Variants in DCC observed in about 807,000 individuals in gnomAD.
DCC encodes the protein DCC netrin 1 receptor, also known as netrin receptor DCC.
A neutral mutation model predicts 172.5 loss-of-function variants in DCC; 58 were observed. The observed-to-expected ratio is 0.34, with a 90% CI of 0.27 to 0.42. The LOEUF (loss-of-function observed/expected upper bound fraction) is 0.42, where lower values mean the gene tolerates loss of function less well. Among genes scored for constraint, DCC ranks in the 10% least tolerant of loss-of-function variants. The pLI is 1.00. For missense variants in DCC, 1,740 were observed against 1,791.0 expected, an observed-to-expected ratio of 0.97 and a Z score of 0.51; for synonymous variants, 709 against 644.5, an observed-to-expected ratio of 1.10 and a Z score of -1.52.
intron 5 of DCC, among the ~76,000 whole-genome samples, chr18:52,963,338 C>G (rs147886669): frequency 0.011 from 1,708 of 151,332 alleles, 16 homozygotes; most frequent in Middle Eastern, 0.031. Flanking sequence ...AAAATGTTTT[C>G]TAGGAGAATG....
chr18:52,759,001 A>G (rs1007899126), intron 2 of DCC: 1 of 152,186 alleles, frequency 6.6e-6, no homozygotes, highest in African/African-American at 2.4e-5. Flanking sequence ...TTAATGACTT[A>G]ATGATCTTCA....
intron 5 of DCC, among the ~76,000 whole-genome samples, chr18:53,039,318 A>G (rs921208112): frequency 6.6e-6 from 1 of 152,058 alleles, no homozygotes; most frequent in Admixed American, 6.6e-5. Context: ...TTAATTTTCC[A>G]TGCAAATGAA....
At chr18:53,100,527 A>G (rs2043157071) in intron 7 of DCC, among the ~76,000 whole-genome samples, 1 of 152,004 alleles carries the variant, frequency 6.6e-6, no homozygotes, top group Admixed American at 6.6e-5. Flanking sequence ...CAATAGGTAC[A>G]AGGGAGGGAG....
At chr18:53,389,574 G>A (rs1908410277) in intron 16 of DCC, among the ~76,000 whole-genome samples, 1 of 152,058 alleles carries the variant, frequency 6.6e-6, no homozygotes. Flanking sequence ...CATTGTACTA[G>A]CACAGCTCTG....
chr18:53,417,757 C>T (rs1910403503), intron 21 of DCC, among the ~76,000 whole-genome samples: 1 of 152,120 alleles, frequency 6.6e-6, no homozygotes, highest in Non-Finnish European at 1.5e-5. Flanking sequence ...CCAGGCTTCT[C>T]AATAAATGGC....
intron 5 of DCC, among the ~76,000 whole-genome samples, chr18:52,989,828 A>G (rs778577680): frequency 1.3e-5 from 2 of 152,112 alleles, no homozygotes; most frequent in South Asian, 2.1e-4. Flanking sequence ...GCAGAAAGCA[A>G]TTTCAATCTA....
At chr18:53,186,796 C>G (rs1350665193) in intron 9 of DCC, among the ~76,000 whole-genome samples, 1 of 152,148 alleles carries the variant, frequency 6.6e-6, no homozygotes, top group Non-Finnish European at 1.5e-5. Context: ...GTTCTGGAGA[C>G]TGAGAAGTCT....
chr18:52,478,993 C>T (rs1454735), intron 1 of DCC, among the ~76,000 whole-genome samples: 5,007 of 152,214 alleles, frequency 0.033, 286 homozygotes, highest in African/African-American at 0.11. Context: ...GGGAATGAAA[C>T]TTGTTGCTTC....
chr18:52,761,955 A>G (rs998549761), intron 2 of DCC, among the ~76,000 whole-genome samples: 1 of 151,768 alleles, frequency 6.6e-6, no homozygotes, highest in African/African-American at 2.4e-5. Flanking sequence ...GAAAAAAAAG[A>G]ATTTCCACAG....
intron 15 of DCC, among the ~76,000 whole-genome samples, chr18:53,352,905 C>T (rs556064154): frequency 6.6e-6 from 1 of 152,148 alleles, no homozygotes; most frequent in South Asian, 2.1e-4. Flanking sequence ...TTAGCTATAA[C>T]TGTTTTGCTT....
chr18:53,088,629 G>GT (rs1447598217), intron 7 of DCC, among the ~76,000 whole-genome samples: 5 of 152,112 alleles, frequency 3.3e-5, no homozygotes, highest in Non-Finnish European at 7.4e-5. Flanking sequence ...TCCAGTAGCT[G>GT]TTTTTTTGAA....
intron 3 of DCC, among the ~76,000 whole-genome samples, chr18:52,919,628 G>A (rs1020883291): frequency 2.5e-5 from 3 of 120,014 alleles, no homozygotes; most frequent in African/African-American, 8.3e-5. Context: ...TGGAAAAGTC[G>A]ATGGTTCTTT....
intron 1 of DCC, among the ~76,000 whole-genome samples, chr18:52,739,726 A>G (rs1025282855): frequency 1.3e-5 from 2 of 152,242 alleles, no homozygotes; most frequent in Non-Finnish European, 2.9e-5. Flanking sequence ...GTCAGAGGCC[A>G]TGTGAATGCC....
chr18:53,334,849 T>G (rs1414495674), intron 14 of DCC, among the ~76,000 whole-genome samples: 1 of 152,206 alleles, frequency 6.6e-6, no homozygotes, highest in Non-Finnish European at 1.5e-5. Context: ...GTGGAAACTT[T>G]GATTTCTTCC....
intron 8 of DCC, among the ~76,000 whole-genome samples, chr18:53,164,379 A>G (rs1302650487): frequency 2.0e-5 from 3 of 152,120 alleles, no homozygotes; most frequent in African/African-American, 7.2e-5. Context: ...CTGAGTAGCT[A>G]GGACTACAGG....
chr18:53,130,166 A>C (rs550452857), intron 7 of DCC, among the ~76,000 whole-genome samples: 1 of 152,274 alleles, frequency 6.6e-6, no homozygotes, highest in East Asian at 1.9e-4. Flanking sequence ...TTTAAAAGTG[A>C]AGCACTAAAA....
intron 5 of DCC, among the ~76,000 whole-genome samples, chr18:53,052,271 A>G (rs1170675446): frequency 6.6e-6 from 1 of 151,942 alleles, no homozygotes; most frequent in Non-Finnish European, 1.5e-5. Flanking sequence ...ATTTATTTTC[A>G]TTTTAAATGA....
chr18:52,543,924 A>C (rs1218842753), intron 1 of DCC, among the ~76,000 whole-genome samples: 1 of 152,194 alleles, frequency 6.6e-6, no homozygotes, highest in East Asian at 1.9e-4. Flanking sequence ...TGCAACTTTA[A>C]ATAGGTCACA....
intron 12 of DCC, among the ~76,000 whole-genome samples, chr18:53,254,902 TAA>T (rs1568393422): frequency 6.6e-6 from 1 of 152,090 alleles, no homozygotes; most frequent in Admixed American, 6.6e-5. Context: ...TAACATATCC[TAA>T]TTTAACACAC....
Sources: allele counts gnomAD v4.1 joint callset (sites outside exome capture counted in the v4.1 genomes callset), GRCh38; gene constraint gnomAD v4.1.1; transcripts MANE v1.5; gene names NCBI Gene and HGNC (gene_info 2026-07-23, HGNC 2026-07-21).